The following BAG4 variants were observed in gnomAD, a reference collection of about 807,000 sequenced individuals.
The protein encoded by BAG4 is BAG family molecular chaperone regulator 4.
In BAG4, 28 loss-of-function variants were observed where a neutral mutation model predicts 52.1. The observed-to-expected ratio is 0.54, with a 90% CI of 0.40 to 0.74. The LOEUF is 0.74. BAG4 is among the 30% of genes least tolerant of loss of function. The pLI is 0.00. For missense variants in BAG4, 525 were observed against 572.0 expected, an observed-to-expected ratio of 0.92 and a Z score of 0.84; for synonymous variants, 208 against 217.0, an observed-to-expected ratio of 0.96 and a Z score of 0.37.
In BAG4 at chr8:38,211,941, TC is replaced by T. The variant is rs1230108411; in HGVS notation, c.*1452del. On this transcript the variant is annotated 3_prime_UTR_variant, in exon 5 of 5. Coordinates refer to ENST00000287322, the MANE Select transcript of BAG4 (RefSeq NM_004874.4). ...AAGATACCCAAGTGATAATTTTTTT[TC>T]CCCTAGACTGTCAGGCCTATGAGTA... The T allele has an allele frequency of 1.3e-5, 2 of 152,078 alleles. No individual in the cohort carries two copies. The highest frequency in any genetic ancestry group is 2.4e-5 in the African/African-American group (1 of 41,402). 9.4% of individuals were successfully genotyped at this position (152,078 alleles called of 1,614,324 possible). A position where few individuals can be genotyped will look rare whatever the true frequency, so the allele number is the denominator to read the frequency against.
Position 38,177,150 on chromosome 8 carries a change from C to A in BAG4, c.270+11C>A. On this transcript the variant is annotated intron_variant, in intron 1 of 4. Coordinates refer to ENST00000287322, the MANE Select transcript of BAG4 (RefSeq NM_004874.4). Reference sequence around the variant, plus strand: ...GGAGGAAGCCACCAGGTAAGCTTTGCACCCTCTGTCCTTGCGGGGAGGTGA... The same window carrying A: ...GGAGGAAGCCACCAGGTAAGCTTTGAACCCTCTGTCCTTGCGGGGAGGTGA... 6.2e-7 allele frequency: 1 copy of A among 1,611,306 alleles called. No homozygotes were observed. The highest frequency in any genetic ancestry group is 2.2e-5 in the East Asian group (1 of 44,852).
At chr8:38,184,202 C>T (rs1044035110) in intron 1 of BAG4, among the ~76,000 whole-genome samples, 1 of 152,138 alleles carries the variant, frequency 6.6e-6, no homozygotes, top group African/African-American at 2.4e-5. Context: ...CGCAGTGGCT[C>T]ACGCTTGTAA....
At chr8:38,184,048 TA>T (rs1406124272) in intron 1 of BAG4, among the ~76,000 whole-genome samples, 1 of 152,128 alleles carries the variant, frequency 6.6e-6, no homozygotes, top group Non-Finnish European at 1.5e-5. Flanking sequence ...CTAAACAGGT[TA>T]TTGGAGTTAT....
At chr8:38,196,379 C>T (rs1221679337) in intron 2 of BAG4, among the ~76,000 whole-genome samples, 3 of 152,078 alleles carry the variant, frequency 2.0e-5, no homozygotes, top group Admixed American at 6.6e-5. Context: ...ATAGGCCGGG[C>T]GCGGTGGCTC....
rs1231933774 is a variant in BAG4, at chr8:38,207,729, C to A, written c.596C>A (p.Pro199His). The A allele has an allele frequency of 3.7e-6, 6 of 1,614,100 alleles. No homozygotes were observed. The highest frequency in any genetic ancestry group is 2.2e-5 in the East Asian group (1 of 44,902). The change falls in exon 3 of 5, where the codon CCT becomes CAT. Residue 199 changes from proline to histidine, a missense_variant. Physicochemically the swap from Pro to His is moderately conservative, Grantham distance 77 (BLOSUM62 -2). Coordinates refer to ENST00000287322, the MANE Select transcript of BAG4 (RefSeq NM_004874.4). ...PQQDCQTEAP[P>H]LRGQVPGYPP... is the part of the protein sequence containing the mutation. ...CAGGACTGTCAGACTGAAGCACCCC[C>A]TCTTAGGGGGCAGGTTCCAGGATAT... is the stretch of plus-strand genomic sequence containing the variant.
rs150045830 is a variant in BAG4, at chr8:38,207,728, C to T, written c.595C>T (p.Pro199Ser). 7 of 1,614,182 alleles carry T rather than the reference C, an allele frequency of 4.3e-6. No homozygotes were observed. Among genetic ancestry groups the T allele is most frequent in the Middle Eastern group, 1.6e-4 (1 of 6,062 alleles). ...PQQDCQTEAP[P>S]LRGQVPGYPP... ...GCAGGACTGTCAGACTGAAGCACCCCCTCTTAGGGGGCAGGTTCCAGGATA... is the reference window on the plus strand; with the variant it reads ...GCAGGACTGTCAGACTGAAGCACCCTCTCTTAGGGGGCAGGTTCCAGGATA... Residue 199 changes from proline (P) to serine (S), a missense_variant, in exon 3 of 5, where the codon CCT (proline) becomes TCT (serine). Physicochemically the swap from Pro to Ser is moderately conservative, Grantham distance 74 (BLOSUM62 -1). This residue lies in a region of BAG4 where 287 missense variants were observed against 266.1 expected (regional missense o/e 1.08). Transcript: ENST00000287322.
chr8:38,193,551 T>G (rs1803512110), intron 2 of BAG4, among the ~76,000 whole-genome samples: 1 of 152,120 alleles, frequency 6.6e-6, no homozygotes, highest in Non-Finnish European at 1.5e-5. Flanking sequence ...ACACTTCTTT[T>G]CATTTACTGA....
rs183225810 is a variant in BAG4 at position 38,209,392 on chromosome 8, T to C, written c.888+125T>C. The C allele has an allele frequency of 4.9e-5, 64 of 1,295,924 alleles. 1 individual carries two copies. The East Asian group carries it at 1.5e-3, about 29-fold the overall frequency. The allele number at this position is 1,295,924 out of a possible 1,614,324, so 80.3% of individuals were successfully genotyped here. On this transcript the variant is annotated intron_variant, in intron 4 of 4. Transcript: ENST00000287322. ...ATTACAAAAAGTTGGTGACTACTTA[T>C]CTATAGCTTTACCTCAGCTCGGTTT... is the stretch of plus-strand genomic sequence containing the variant.
chr8:38,205,203 T>TTG (rs1803751281), intron 2 of BAG4, among the ~76,000 whole-genome samples: 3 of 28,922 alleles, frequency 1.0e-4, no homozygotes, highest in Non-Finnish European at 2.5e-4. Context: ...AGCTAATTAA[T>TTG]TTTTTTTTTT....
chr8:38,199,550 G>T (rs542287701), intron 2 of BAG4, among the ~76,000 whole-genome samples: 59 of 148,032 alleles, frequency 4.0e-4, no homozygotes, highest in African/African-American at 1.4e-3. Flanking sequence ...TTGAGGCAGA[G>T]TCTCGCTCTG....
At chr8:38,207,408 A>T in intron 2 of BAG4, 104 bp from the exon 3 acceptor site, 1 of 1,289,578 alleles carries the variant, frequency 7.8e-7, no homozygotes, top group South Asian at 1.4e-5. Flanking sequence ...GGCCTGCATT[A>T]GTGATTAACA....
intron 2 of BAG4, chr8:38,204,337 T>A (rs1220505883): frequency 1.3e-5 from 2 of 152,044 alleles, no homozygotes; most frequent in Non-Finnish European, 2.9e-5. Context: ...CTGGGCAACA[T>A]GGCCAAACCC....
At chr8:38,189,387 G>A (rs1803430585) in intron 1 of BAG4, among the ~76,000 whole-genome samples, 1 of 152,186 alleles carries the variant, frequency 6.6e-6, no homozygotes, top group Non-Finnish European at 1.5e-5. Flanking sequence ...AAATTCCACT[G>A]AGGACGTACA....
intron 2 of BAG4, among the ~76,000 whole-genome samples, chr8:38,207,208 C>T (rs1315546366): frequency 2.6e-5 from 4 of 152,142 alleles, no homozygotes; most frequent in East Asian, 3.9e-4. Context: ...CCGCCTCGGC[C>T]TCCCAAAGTG....
At chr8:38,185,834 A>G (rs1476128088) in intron 1 of BAG4, among the ~76,000 whole-genome samples, 1 of 152,188 alleles carries the variant, frequency 6.6e-6, no homozygotes, top group Non-Finnish European at 1.5e-5. Context: ...GAGTTCTGGG[A>G]TTATAGGTGT....
At chr8:38,184,466 CAAATA>C (rs36228003) in intron 1 of BAG4, among the ~76,000 whole-genome samples, 33,103 of 146,474 alleles carry the variant, frequency 0.23, 3,923 homozygotes, top group East Asian at 0.3. Flanking sequence ...GACCCTGTCT[CAAATA>C]AAATAAAATA....
intron 1 of BAG4, among the ~76,000 whole-genome samples, chr8:38,186,161 T>A (rs1419910185): frequency 6.6e-6 from 1 of 152,098 alleles, no homozygotes; most frequent in Non-Finnish European, 1.5e-5. Flanking sequence ...GGTGGTTCCT[T>A]TCTTTCACCC....
intron 1 of BAG4, among the ~76,000 whole-genome samples, chr8:38,190,067 G>C (rs112684009): frequency 0.01 from 1,595 of 152,260 alleles, 32 homozygotes; most frequent in African/African-American, 0.037. Context: ...TTACAGGTGT[G>C]AGCCGCTGCA....
Position 38,207,776 on chromosome 8 carries a change from T to C in BAG4, c.633+10T>C. 6.2e-7 allele frequency: 1 copy of C among 1,613,072 alleles called. No homozygotes were observed. Among genetic ancestry groups the C allele is most frequent in the Non-Finnish European group, 8.5e-7 (1 of 1,179,512 alleles). On this transcript the variant is annotated intron_variant, in intron 3 of 4. Transcript: ENST00000287322. Reference sequence around the variant, plus strand: ...ATATCCGCCTTCACAGGTGAGTTGTTTTCTATTGGGAAAAAAATGAATTCA... The same window carrying C: ...ATATCCGCCTTCACAGGTGAGTTGTCTTCTATTGGGAAAAAAATGAATTCA...
Sources: allele counts gnomAD v4.1 joint callset (sites outside exome capture counted in the v4.1 genomes callset), GRCh38; gene constraint gnomAD v4.1.1; regional missense constraint gnomAD v4.1.1; transcripts MANE v1.5; gene names NCBI Gene and HGNC (gene_info 2026-07-23, HGNC 2026-07-21).